Variants in TRIM33 observed in about 807,000 individuals in gnomAD.
TRIM33 encodes the protein tripartite motif containing 33, also known as E3 ubiquitin-protein ligase TRIM33.
In TRIM33, 20 loss-of-function variants were observed where a neutral mutation model predicts 125.4. That is an observed-to-expected ratio of 0.16 (90% CI 0.11 to 0.23). The LOEUF is 0.23. Ranked by LOEUF, TRIM33 falls within the 10% of genes least tolerant of loss-of-function variation. TRIM33 has a pLI of 1.00. For missense variants in TRIM33, 920 were observed against 1,411.4 expected (o/e 0.65, Z 5.58); for synonymous variants, 564 against 513.9 (o/e 1.10, Z -1.32).
At chr1:114,402,944 T>G in intron 15 of TRIM33, 61 bp from the exon 16 acceptor site, 4 of 1,501,204 alleles carry the variant, frequency 2.7e-6, no homozygotes, top group Non-Finnish European at 3.6e-6. Flanking sequence ...CTAGAGAAGC[T>G]ACTTCCCTGG....
intron 4 of TRIM33, among the ~76,000 whole-genome samples, chr1:114,442,910 A>T (rs1436292325): frequency 6.6e-6 from 1 of 151,658 alleles, no homozygotes; most frequent in East Asian, 1.9e-4. Context: ...GGAATGAGGC[A>T]TCAATATATT....
At chr1:114,476,657 A>C (rs1310579243) in intron 1 of TRIM33, among the ~76,000 whole-genome samples, 1 of 152,152 alleles carries the variant, frequency 6.6e-6, no homozygotes, top group Non-Finnish European at 1.5e-5. Flanking sequence ...GAAACAGACA[A>C]AGCAAAACAA....
chr1:114,463,081 G>A lies in TRIM33; in HGVS notation c.923+23C>T, dbSNP rs1214808371. 3.9e-6 allele frequency: 6 copies of A among 1,549,776 alleles called. No homozygotes were observed. The African/African-American group carries it at 6.9e-5, about 18-fold the overall frequency. On this transcript the variant is annotated intron_variant, in intron 4 of 19. Coordinates refer to ENST00000358465, the MANE Select transcript of TRIM33 (RefSeq NM_015906.4). ...CAAGCACTTTTTATAGTATTTCCTG[G>A]TAAGCAATTATGATTTCTGTACCTA... is the stretch of plus-strand genomic sequence containing the variant.
intron 11 of TRIM33, among the ~76,000 whole-genome samples, chr1:114,410,829 G>C (rs866689397): frequency 6.6e-6 from 1 of 151,430 alleles, no homozygotes; most frequent in African/African-American, 2.4e-5. Context: ...CCCTTACTTA[G>C]AGGCAGTACG....
chr1:114,415,808 C>G (rs552461050), intron 11 of TRIM33, among the ~76,000 whole-genome samples: 2 of 151,840 alleles, frequency 1.3e-5, no homozygotes, highest in Admixed American at 6.6e-5. Flanking sequence ...AAAAATTAGC[C>G]GGGCGGGGTG....
chr1:114,410,309 T>A lies in TRIM33; in HGVS notation c.2069A>T (p.Asp690Val), dbSNP rs769486886. Reference protein sequence around the residue: ...LPDIPPIQLEDAGSSSLDNLL... With the variant: ...LPDIPPIQLEVAGSSSLDNLL... The stretch of plus-strand genomic sequence containing the variant: ...ATTATCTAAACTACTTGAGCCAGCA[T>A]CTTCCAACTGAAGAGAAAGAAGATA... Residue 690 changes from aspartate (D) to valine (V), a missense_variant, in exon 12 of 20, where the codon GAT (aspartate) becomes GTT (valine). Coordinates refer to ENST00000358465, the MANE Select transcript of TRIM33 (RefSeq NM_015906.4). The A allele has an allele frequency of 6.2e-7, 1 of 1,608,562 alleles. No homozygotes were observed. Among genetic ancestry groups the A allele is most frequent in the Non-Finnish European group, 8.5e-7 (1 of 1,178,644 alleles).
chr1:114,412,664 T>C (rs1652669550), intron 11 of TRIM33, among the ~76,000 whole-genome samples: 1 of 152,206 alleles, frequency 6.6e-6, no homozygotes, highest in Admixed American at 6.5e-5. Flanking sequence ...AAAACTGAGA[T>C]TTATCCTTGC....
intron 11 of TRIM33, among the ~76,000 whole-genome samples, chr1:114,413,448 CT>C (rs1652712418): frequency 6.6e-6 from 1 of 150,844 alleles, no homozygotes; most frequent in Non-Finnish European, 1.5e-5. Flanking sequence ...ATCCCAGCTA[CT>C]CGAGAGGTTG....
chr1:114,469,035 A>G (rs1290703104), intron 1 of TRIM33: 12 of 245,486 alleles, frequency 4.9e-5, no homozygotes, highest in Middle Eastern at 3.1e-3. Flanking sequence ...AACTGGGTAC[A>G]AGTGGTTCTA....
At chr1:114,463,620 AAAAC>A in intron 2 of TRIM33, 64 bp from the exon 3 acceptor site, 1 of 1,081,348 alleles carries the variant, frequency 9.2e-7, no homozygotes, top group Non-Finnish European at 1.4e-6. Flanking sequence ...AAAAAAAAAA[AAAAC>A]TTGTTCTTCA....
At chr1:114,487,078 C>T (rs1190322314) in intron 1 of TRIM33, among the ~76,000 whole-genome samples, 2 of 142,564 alleles carry the variant, frequency 1.4e-5, no homozygotes, top group Non-Finnish European at 3.1e-5. Context: ...CAGAGCAAGA[C>T]TCTGTCTCAA....
Position 114,397,589 on chromosome 1 carries a change from G to GTTTTTTTTTTTTTTTTTTGTTT in TRIM33, c.*58_*59insAAACAAAAAAAAAAAAAAAAAA. 6.3e-6 allele frequency: 4 copies of GTTTTTTTTTTTTTTTTTTGTTT among 637,680 alleles called. No homozygotes were observed. The highest frequency in any genetic ancestry group is 2.1e-5 in the South Asian group (1 of 48,376). 39.5% of individuals were successfully genotyped at this position (637,680 alleles called of 1,614,324 possible). A position where few individuals can be genotyped will look rare whatever the true frequency, so the allele number is the denominator to read the frequency against. Reference sequence around the variant, plus strand: ...CTTAAAAGTTTTCTGGGTTTTTTGTGTTTTTTTTTTTTTTTTCGTTTTTTT... The same window carrying GTTTTTTTTTTTTTTTTTTGTTT: ...CTTAAAAGTTTTCTGGGTTTTTTGTGTTTTTTTTTTTTTTTTTTGTTTTTTTTTTTTTTTTTTTCGTTTTTTT... On this transcript the variant is annotated 3_prime_UTR_variant, in exon 20 of 20. Coordinates refer to ENST00000358465, the MANE Select transcript of TRIM33 (RefSeq NM_015906.4).
chr1:114,498,905 T>A lies in TRIM33; in HGVS notation c.526+11646A>T, dbSNP rs181689675. ...TAAATGAAAAAGCATAATGAACTTT[T>A]AGAAACTTTTAGAAAAAAAAATAGA... On this transcript the variant is annotated intron_variant, in intron 1 of 19. Transcript: ENST00000358465. Among the ~76,000 whole-genome samples, 1,142 of 152,056 alleles carry A rather than the reference T, an allele frequency of 7.5e-3. 7 individuals carry two copies. Among genetic ancestry groups the A allele is most frequent in the Admixed American group, 0.013 (192 of 15,268 alleles).
chr1:114,460,572 CCT>C (rs1491352034), intron 4 of TRIM33, among the ~76,000 whole-genome samples: 1 of 116,156 alleles, frequency 8.6e-6, no homozygotes, highest in African/African-American at 3.2e-5. Context: ...CCCCCCGCCA[CCT>C]TTTTTTTTTT....
intron 4 of TRIM33, among the ~76,000 whole-genome samples, chr1:114,451,822 C>T (rs971944942): frequency 6.6e-6 from 1 of 152,050 alleles, no homozygotes; most frequent in Admixed American, 6.6e-5. Flanking sequence ...CAAAACATAG[C>T]TCATCTTTTT....
At chr1:114,442,444 C>A (rs979495381) in intron 4 of TRIM33, among the ~76,000 whole-genome samples, 3 of 152,082 alleles carry the variant, frequency 2.0e-5, no homozygotes, top group African/African-American at 7.2e-5. Context: ...AACCCCAGCA[C>A]TTTGGGAGGC....
rs1241966430 is a variant in TRIM33 at position 114,407,088 on chromosome 1, T to C, written c.2271A>G (p.Ser757=). Residue 757 remains serine, a synonymous_variant, in exon 14 of 20, where the codon TCA becomes TCG. Transcript: ENST00000358465. The part of the protein sequence containing the change: ...STGSRGSCGS[S]GRTAEKTSLS... ...GACTTGTCTTCTCAGCAGTTCTTCC[T>C]GATGACCCACAGCTAATAAGAAACA... The C allele has an allele frequency of 1.2e-6, 2 of 1,613,212 alleles. No homozygotes were observed. Among genetic ancestry groups the C allele is most frequent in the Non-Finnish European group, 1.7e-6 (2 of 1,179,642 alleles).
intron 4 of TRIM33, among the ~76,000 whole-genome samples, chr1:114,447,330 G>C (rs971362481): frequency 2.0e-5 from 3 of 152,110 alleles, no homozygotes; most frequent in Non-Finnish European, 4.4e-5. Flanking sequence ...TGATAAGTTT[G>C]GATTTGGGTA....
chr1:114,399,990 T>G (rs1651772180), intron 17 of TRIM33, among the ~76,000 whole-genome samples: 2 of 152,152 alleles, frequency 1.3e-5, no homozygotes, highest in African/African-American at 4.8e-5. Flanking sequence ...ACAATTAGAA[T>G]ATGATGTCTT....
Sources: allele counts gnomAD v4.1 joint callset (sites outside exome capture counted in the v4.1 genomes callset), GRCh38; gene constraint gnomAD v4.1.1; transcripts MANE v1.5; gene names NCBI Gene and HGNC (gene_info 2026-07-23, HGNC 2026-07-21).